Variants in SCN10A observed in about 807,000 individuals in gnomAD.
SCN10A encodes sodium channel protein type 10 subunit alpha.
Under a neutral mutation model 170.7 loss-of-function variants are expected in SCN10A, and 162 were observed. The observed-to-expected ratio is 0.95, with a 90% confidence interval of 0.84 to 1.08. The LOEUF is 1.08. SCN10A is among the 50% of genes least tolerant of loss of function. The pLI is 0.00. For synonymous variants in SCN10A, 985 were observed against 904.6 expected (o/e 1.09, Z -1.59); for missense variants, 2,527 against 2,436.9 (o/e 1.04, Z -0.78).
At chr3:38,761,858 G>A (rs867982375) in intron 6 of SCN10A, among the ~76,000 whole-genome samples, 2 of 137,296 alleles carry the variant, frequency 1.5e-5, no homozygotes, top group African/African-American at 2.6e-5. Flanking sequence ...GAGAGAGAGA[G>A]AGAGAGAAAG....
intron 6 of SCN10A, among the ~76,000 whole-genome samples, chr3:38,762,657 G>C (rs1480422515): frequency 6.6e-6 from 1 of 152,144 alleles, no homozygotes; most frequent in African/African-American, 2.4e-5. Flanking sequence ...TCCCAGTTGA[G>C]AGTAAGTGAG....
At position 38,807,077 on chromosome 3, in the gene SCN10A, G is replaced by A. The variant is rs192497199; in HGVS notation, c.-33+8960C>T. Among the ~76,000 whole-genome samples the A allele has an allele frequency of 2.9e-3, 443 of 152,252 alleles. 2 individuals are homozygous for A. Among genetic ancestry groups the A allele is most frequent in the South Asian group, 0.013 (61 of 4,822 alleles). ...TTCCTTTCGAATTCTTGGAGGAAGAGGCCTGGAAAACAGTGTGAGTTCTTA... is the reference window on the plus strand; with the variant it reads ...TTCCTTTCGAATTCTTGGAGGAAGAAGCCTGGAAAACAGTGTGAGTTCTTA... On this transcript the variant is annotated intron_variant, in intron 1 of 27. Transcript: ENST00000449082.
intron 4 of SCN10A, among the ~76,000 whole-genome samples, chr3:38,784,650 A>G (rs546962950): frequency 8.0e-4 from 122 of 152,278 alleles, no homozygotes; most frequent in African/African-American, 2.8e-3. Flanking sequence ...GGCAAGAGAA[A>G]GAAATAAGGG....
intron 20 of SCN10A, among the ~76,000 whole-genome samples, chr3:38,720,037 C>T (rs116317277): frequency 2.6e-3 from 389 of 152,332 alleles, no homozygotes; most frequent in Non-Finnish European, 4.2e-3. Flanking sequence ...ACAAGGCTGT[C>T]TTCTTTGCCT....
At chr3:38,707,529 GC>G in intron 25 of SCN10A, 146 bp from the exon 26 acceptor site, 1 of 780,010 alleles carries the variant, frequency 1.3e-6, no homozygotes, top group Non-Finnish European at 2.1e-6. Flanking sequence ...GGAGTGTCTT[GC>G]CACATCCAGT....
intron 1 of SCN10A, among the ~76,000 whole-genome samples, chr3:38,796,301 C>T (rs1321418019): frequency 6.6e-6 from 1 of 152,132 alleles, no homozygotes; most frequent in African/African-American, 2.4e-5. Flanking sequence ...ACATCTAGTG[C>T]TGTTGCTTCT....
At chr3:38,717,401 G>A (rs1030983325) in intron 21 of SCN10A, among the ~76,000 whole-genome samples, 1 of 152,234 alleles carries the variant, frequency 6.6e-6, no homozygotes, top group Non-Finnish European at 1.5e-5. Flanking sequence ...AGACTGGTGA[G>A]ATCAACATAA....
Position 38,756,751 on chromosome 3 carries a change from G to T in SCN10A, c.1213C>A (p.Gln405Lys). 1 of 1,614,158 alleles carries T rather than the reference G, an allele frequency of 6.2e-7. No individual in the cohort carries two copies. The highest frequency in any genetic ancestry group is 8.5e-7 in the Non-Finnish European group (1 of 1,180,024). Residue 405 changes from glutamine (Q) to lysine (K), a missense_variant, in exon 10 of 28, where the codon CAG (glutamine) becomes AAG (lysine). Transcript: ENST00000449082. ...GCTTCAATTTCATCAGTGGTTGCCT[G>T]GTTCTGCTCCTCATACGCCATGGTG... ...VVTMAYEEQN[Q>K]ATTDEIEAKE...
intron 14 of SCN10A, among the ~76,000 whole-genome samples, chr3:38,741,379 G>A (rs1047337392): frequency 2.0e-5 from 3 of 152,008 alleles, no homozygotes; most frequent in African/African-American, 4.8e-5. Context: ...CTTGGCAGCC[G>A]GTCTGTCTGG....
At chr3:38,753,504 C>G (rs2063771215) in intron 11 of SCN10A, among the ~76,000 whole-genome samples, 1 of 152,176 alleles carries the variant, frequency 6.6e-6, no homozygotes, top group Non-Finnish European at 1.5e-5. Context: ...TCTCACAGAA[C>G]TGAAGTTTCC....
chr3:38,792,217 C>A, intron 2 of SCN10A, 49 bp from the exon 3 acceptor site: 1 of 1,601,346 alleles, frequency 6.2e-7, no homozygotes, highest in South Asian at 1.1e-5. Context: ...AAACAAGATT[C>A]CTTATACAAC....
intron 11 of SCN10A, among the ~76,000 whole-genome samples, chr3:38,754,893 C>T (rs539415464): frequency 1.3e-5 from 2 of 152,202 alleles, no homozygotes; most frequent in East Asian, 1.9e-4. Context: ...CTTTTCCACA[C>T]TGTTAGTGTG....
chr3:38,707,293 T>C lies in SCN10A; in HGVS notation c.4372A>G (p.Ile1458Val), dbSNP rs779410370. 3 of 1,614,020 alleles carry C rather than the reference T, an allele frequency of 1.9e-6. No homozygotes were observed. In the South Asian group the frequency reaches 3.3e-5, roughly 18 times the overall value. The change falls in exon 26 of 28, where the codon ATC becomes GTC. Residue 1458 changes from isoleucine to valine, a missense_variant. Transcript: ENST00000449082. ...KLGSKKPQKP[I>V]PRPLNKFQGF... Reference sequence around the variant, plus strand: ...CTGGGGCTCACCAGGGGCCGTGGGATGGGCTTCTGGGGCTTCTTGGAGCCC... The same window carrying C: ...CTGGGGCTCACCAGGGGCCGTGGGACGGGCTTCTGGGGCTTCTTGGAGCCC...
intron 3 of SCN10A, among the ~76,000 whole-genome samples, chr3:38,789,632 G>A (rs1343099326): frequency 3.9e-5 from 6 of 152,088 alleles, no homozygotes; most frequent in African/African-American, 1.4e-4. Flanking sequence ...GGTAGGAACG[G>A]TGGAGGCAGG....
rs1345381163 is a variant in SCN10A at position 38,755,944 on chromosome 3, T to C, written c.1305A>G (p.Leu435=). 6.2e-7 allele frequency: 1 copy of C among 1,614,200 alleles called. No homozygotes were observed. The highest frequency in any genetic ancestry group is 8.5e-7 in the Non-Finnish European group (1 of 1,180,016). The change falls in exon 11 of 28, where the codon CTA becomes CTG. Residue 435 remains leucine, a synonymous_variant. Transcript: ENST00000449082. The stretch of plus-strand genomic sequence containing the variant: ...AGTGGAGAGAGGTTGTGTCAATCCC[T>C]AGTGCTGCTAGCACCTGCGAAGAGA... ...LRKEQEVLAA[L]GIDTTSLHSH...
chr3:38,698,034 G>T lies in SCN10A; in HGVS notation c.5186C>A (p.Thr1729Lys). 7 of 1,614,124 alleles carry T rather than the reference G, an allele frequency of 4.3e-6. No individual in the cohort carries two copies. Among genetic ancestry groups the T allele is most frequent in the South Asian group, 1.1e-5 (1 of 91,072 alleles). Residue 1729 changes from threonine (T) to lysine (K), a missense_variant, in exon 28 of 28, where the codon ACG becomes AAG. By Grantham distance (78) the Thr-to-Lys change is moderately conservative. Transcript: ENST00000449082. ...ACTCAGGGGCTCAGTGCTCTCCTCC[G>T]TGGCCACATTGAAGTTCTCCAGAAT... The part of the protein sequence containing the change: ...AVILENFNVA[T>K]EESTEPLSED...
Position 38,712,287 on chromosome 3 carries a change from T to C in SCN10A, c.3963A>G (p.Val1321=), listed in dbSNP as rs781553622. Residue 1321 remains valine, a synonymous_variant, in exon 23 of 28, where the codon GTA becomes GTG. Transcript: ENST00000449082. ...ACTTGTTATTCACAATCGACAAAGG[T>C]ACAAGGGAAAACTCTCCATCGGTAT... The part of the protein sequence containing the change: ...INYTDGEFSL[V]PLSIVNNKSD... 6.2e-7 allele frequency: 1 copy of C among 1,614,042 alleles called. No homozygotes were observed. The highest frequency in any genetic ancestry group is 8.5e-7 in the Non-Finnish European group (1 of 1,180,026).
intron 8 of SCN10A, among the ~76,000 whole-genome samples, chr3:38,759,602 T>C (rs2063846033): frequency 6.6e-6 from 1 of 152,218 alleles, no homozygotes. Context: ...TAGCAGCTTA[T>C]AGGCTGGATT....
intron 5 of SCN10A, among the ~76,000 whole-genome samples, chr3:38,769,276 T>C (rs2126039290): frequency 7.2e-6 from 1 of 139,450 alleles, no homozygotes; most frequent in African/African-American, 2.7e-5. Flanking sequence ...TTCACTCTTG[T>C]TGCCCAGGCT....
Sources: allele counts gnomAD v4.1 joint callset (sites outside exome capture counted in the v4.1 genomes callset), GRCh38; gene constraint gnomAD v4.1.1; transcripts MANE v1.5; gene names NCBI Gene and HGNC (gene_info 2026-07-23, HGNC 2026-07-21).